Variants in XYLB observed in about 807,000 individuals in gnomAD.
The protein encoded by XYLB is xylulose kinase.
Under a neutral mutation model 78.7 loss-of-function variants are expected in XYLB, and 62 were observed. That is an observed-to-expected ratio of 0.79 (90% confidence interval 0.64 to 0.97). The LOEUF (loss-of-function observed/expected upper bound fraction) is 0.97. Among genes scored for constraint, XYLB ranks in the 50% least tolerant of loss-of-function variants. The pLI is 0.00. For missense variants in XYLB, 687 were observed against 676.8 expected (o/e 1.02, Z -0.17); for synonymous variants, 245 against 247.4 (o/e 0.99, Z 0.09).
chr3:38,377,198 G>C (rs1706905187), intron 14 of XYLB, among the ~76,000 whole-genome samples: 1 of 151,504 alleles, frequency 6.6e-6, no homozygotes, highest in Non-Finnish European at 1.5e-5. Flanking sequence ...CCCTCAGGGA[G>C]GAATGCAGAA....
chr3:38,383,913 C>T (rs1457047861), intron 15 of XYLB, among the ~76,000 whole-genome samples: 1 of 152,140 alleles, frequency 6.6e-6, no homozygotes, highest in African/African-American at 2.4e-5. Context: ...TAGTTTTGTT[C>T]CTTTGTACCT....
the XYLB span, among the ~76,000 whole-genome samples, chr3:38,440,302 C>G: frequency 6.6e-6 from 1 of 152,244 alleles, no homozygotes. Context: ...AGACCTCGTT[C>G]AGTCCATATT....
At position 38,412,864 on chromosome 3, in the gene XYLB, A is replaced by G; in HGVS notation, c.1534-72A>G. The G allele has an allele frequency of 3.7e-6, 5 of 1,350,514 alleles. No homozygotes were observed. The South Asian group carries it at 7.0e-5, about 19-fold the overall frequency. 83.7% of individuals were successfully genotyped at this position (1,350,514 alleles called of 1,614,324 possible). A position where few individuals can be genotyped will look rare whatever the true frequency, so the allele number is the denominator to read the frequency against. On this transcript the variant is annotated intron_variant, in intron 18 of 18. Coordinates refer to ENST00000207870, the MANE Select transcript of XYLB (RefSeq NM_005108.4). ...AAGTAAACGGGATTTAAAAATTTTA[A>G]ATTGCAAAGTGCAACCAGATGTAAG...
At chr3:38,349,712 T>G (rs1209145725) in intron 2 of XYLB, among the ~76,000 whole-genome samples, 1 of 152,062 alleles carries the variant, frequency 6.6e-6, no homozygotes, top group Non-Finnish European at 1.5e-5. Context: ...GAGCGGAAAT[T>G]TATATTCTCA....
rs111597125 is a variant in XYLB, at chr3:38,406,397, A to G, written c.1533+5412A>G. On this transcript the variant is annotated intron_variant, in intron 18 of 18. Transcript: ENST00000207870. Reference sequence around the variant, plus strand: ...AAAAACCCATCTGTACATCACCATCATCAGAGACCAAAAGTAGATAAAACC... The same window carrying G: ...AAAAACCCATCTGTACATCACCATCGTCAGAGACCAAAAGTAGATAAAACC... 6.6e-3 allele frequency among the ~76,000 whole-genome samples: 1,004 copies of G among 152,332 alleles called. 9 individuals carry two copies. The highest frequency in any genetic ancestry group is 0.021 in the African/African-American group (885 of 41,558).
At chr3:38,419,396 C>T (rs966581195), downstream of XYLB, among the ~76,000 whole-genome samples, 5 of 151,278 alleles carry the variant, frequency 3.3e-5, no homozygotes, top group African/African-American at 9.7e-5. Context: ...TATCTGAGTC[C>T]GTGCTTTCAA....
At chr3:38,379,580 A>C (rs975518223) in intron 15 of XYLB, among the ~76,000 whole-genome samples, 10 of 152,312 alleles carry the variant, frequency 6.6e-5, no homozygotes, top group South Asian at 2.1e-4. Context: ...CAATAGCCTG[A>C]CCTTTTGGCC....
chr3:38,356,823 AT>A (rs1705684038), intron 2 of XYLB: 1 of 152,192 alleles, frequency 6.6e-6, no homozygotes, highest in Non-Finnish European at 1.5e-5. Context: ...CACATATGTT[AT>A]GGATTGAATT....
rs1459569207 is a variant in XYLB, at chr3:38,376,114, C to T, written c.1005-3C>T. 1 of 1,603,340 alleles carries T rather than the reference C, an allele frequency of 6.2e-7. No individual in the cohort carries two copies. The highest frequency in any genetic ancestry group is 8.5e-7 in the Non-Finnish European group (1 of 1,170,432). ...TCCCTCAGAGCTATGCCCTCTTCTG[C>T]AGCTTTAAAAATGGCTCCCTCATGA... On this transcript the variant is annotated splice_polypyrimidine_tract_variant and splice_region_variant and intron_variant, in intron 12 of 18. Transcript: ENST00000207870.
the XYLB span, among the ~76,000 whole-genome samples, chr3:38,440,918 C>T: frequency 1.3e-5 from 2 of 151,734 alleles, no homozygotes; most frequent in African/African-American, 2.4e-5. Flanking sequence ...CTTCCCCTCC[C>T]TCTTTCCTTC....
At chr3:38,370,742 C>T (rs1706511798) in intron 9 of XYLB, among the ~76,000 whole-genome samples, 1 of 152,178 alleles carries the variant, frequency 6.6e-6, no homozygotes, top group African/African-American at 2.4e-5. Flanking sequence ...AAAATAGTGC[C>T]TGGTCCCACA....
chr3:38,396,213 TGA>T (rs1314913766), intron 16 of XYLB, among the ~76,000 whole-genome samples: 2 of 152,206 alleles, frequency 1.3e-5, no homozygotes, highest in East Asian at 3.9e-4. Context: ...AGCAGTTTGT[TGA>T]GAGAGTACTC....
downstream of XYLB, among the ~76,000 whole-genome samples, chr3:38,419,578 T>TTATATATATA (rs67869604): frequency 4.6e-3 from 311 of 68,270 alleles, 11 homozygotes; most frequent in African/African-American, 0.013. Flanking sequence ...TTATTTTTCT[T>TTATATATATA]TATATATATA....
downstream of XYLB, among the ~76,000 whole-genome samples, chr3:38,425,149 A>G (rs1709075382): frequency 6.6e-6 from 1 of 152,214 alleles, no homozygotes; most frequent in Non-Finnish European, 1.5e-5. Flanking sequence ...AGACTAGCTT[A>G]TGTACATGTA....
chr3:38,418,673 C>G (rs1708880338), downstream of XYLB, among the ~76,000 whole-genome samples: 2 of 152,154 alleles, frequency 1.3e-5, no homozygotes, highest in South Asian at 2.1e-4. Flanking sequence ...GGACAGTTCT[C>G]TACTTAGTTC....
At chr3:38,423,653 T>G (rs1358274335), downstream of XYLB, among the ~76,000 whole-genome samples, 1 of 152,240 alleles carries the variant, frequency 6.6e-6, no homozygotes, top group Non-Finnish European at 1.5e-5. Context: ...ACAAGGCATG[T>G]TAAACAGTCC....
chr3:38,349,706 G>A (rs1181824082), intron 2 of XYLB, among the ~76,000 whole-genome samples: 5 of 152,128 alleles, frequency 3.3e-5, no homozygotes, highest in African/African-American at 7.2e-5. Context: ...GTTAAAGAGC[G>A]GAAATTTATA....
In XYLB at chr3:38,376,953, A is replaced by C. The variant is rs759876171; in HGVS notation, c.1156A>C (p.Ile386Leu). The C allele has an allele frequency of 6.2e-7, 1 of 1,614,132 alleles. No individual in the cohort carries two copies. Among genetic ancestry groups the C allele is most frequent in the African/African-American group, 1.3e-5 (1 of 75,030 alleles). ...YFDVMEITPE[I>L]IGRHRFNTEN... ...TGATGTAATGGAGATCACCCCTGAA[A>C]TTATTGGACGTCATAGGTTTAACAC... is the stretch of plus-strand genomic sequence containing the variant. The change falls in exon 14 of 19, where the codon ATT (isoleucine) becomes CTT (leucine). Residue 386 changes from isoleucine (I) to leucine (L), a missense_variant. Ile to Leu is a conservative substitution (Grantham distance 5). Coordinates refer to ENST00000207870, the MANE Select transcript of XYLB (RefSeq NM_005108.4).
At chr3:38,389,964 C>A (rs1707580265) in intron 15 of XYLB, among the ~76,000 whole-genome samples, 1 of 152,172 alleles carries the variant, frequency 6.6e-6, no homozygotes, top group Non-Finnish European at 1.5e-5. Context: ...TCATGTCTCC[C>A]ATGCTGCAGG....
Sources: gnomAD v4.1 joint callset for allele counts (sites outside exome capture counted in the v4.1 genomes callset) on GRCh38, gnomAD v4.1.1 for gene constraint, MANE v1.5 for transcripts, NCBI Gene and HGNC (gene_info 2026-07-23, HGNC 2026-07-21) for gene names.